SYMPK: variants seen among roughly 807,000 people sequenced by gnomAD.
SYMPK encodes the protein symplekin scaffold protein, also known as symplekin.
A neutral mutation model predicts 136.4 loss-of-function variants in SYMPK; 49 were observed. The ratio of observed to expected loss-of-function variants is 0.36; its 90% CI spans 0.29 to 0.46. The LOEUF (loss-of-function observed/expected upper bound fraction) is 0.46, where lower values mean the gene tolerates loss of function less well. SYMPK is among the 20% of genes least tolerant of loss of function. The probability of loss-of-function intolerance (pLI) is 1.00; values close to 1 mark genes in which losing one functional copy is unlikely to be tolerated. For missense variants in SYMPK, 1,365 were observed against 1,690.0 expected (o/e 0.81, Z 3.37); for synonymous variants, 766 against 713.0 (o/e 1.07, Z -1.19).
chr19:45,857,433 AAC>A (rs1568628287), intron 1 of SYMPK, among the ~76,000 whole-genome samples: 1 of 150,042 alleles, frequency 6.7e-6, no homozygotes, highest in Non-Finnish European at 1.5e-5. Context: ...AAAAAAAAAA[AAC>A]ACACACTAAA....
Position 45,816,899 on chromosome 19 carries a change from T to C in SYMPK, c.3157A>G (p.Ile1053Val). The C allele has an allele frequency of 6.4e-7, 1 of 1,553,984 alleles. No homozygotes were observed. Among genetic ancestry groups the C allele is most frequent in the Non-Finnish European group, 8.7e-7 (1 of 1,148,806 alleles). The change falls in exon 24 of 27, where the codon ATC (isoleucine) becomes GTC (valine). Residue 1053 changes from isoleucine to valine, a missense_variant. This residue lies in a region of SYMPK where 156 missense variants were observed against 217.8 expected (regional missense o/e 0.72). Transcript: ENST00000245934. ...AGCTGCTGGGGCGGCAGCTGCAGGA[T>C]GACCTGGAAGCTCTGGGGCTTTGTG... ...QRTKPQSFQV[I>V]LQLPPQQLGA... is the part of the protein sequence containing the mutation.
chr19:45,837,596 A>T lies in SYMPK; in HGVS notation c.1242+865T>A, dbSNP rs532943849. On this transcript the variant is annotated intron_variant, in intron 10 of 26. Transcript: ENST00000245934. Reference sequence around the variant, plus strand: ...CGCGCCACTGCACTCCAGTCTGGGTAACAAAGCGAGACTCTGCCTCAAAAA... The same window carrying T: ...CGCGCCACTGCACTCCAGTCTGGGTTACAAAGCGAGACTCTGCCTCAAAAA... Among the ~76,000 whole-genome samples, 6 of 148,754 alleles carry T rather than the reference A, an allele frequency of 4.0e-5. No homozygotes were observed. The South Asian group carries it at 1.3e-3, about 32-fold the overall frequency.
chr19:45,815,434 C>G lies in SYMPK; in HGVS notation c.*126G>C, dbSNP rs1169056410. Reference sequence around the variant, plus strand: ...AGGCCCGCCATCCCTTTTTTTTTTTCTTTTCAGTAACTTGCCCAAGTTCAC... The same window carrying G: ...AGGCCCGCCATCCCTTTTTTTTTTTGTTTTCAGTAACTTGCCCAAGTTCAC... On this transcript the variant is annotated 3_prime_UTR_variant, in exon 27 of 27. Transcript: ENST00000245934. 9.3e-7 allele frequency: 1 copy of G among 1,073,852 alleles called. No individual in the cohort carries two copies. The highest frequency in any genetic ancestry group is 1.8e-5 in the South Asian group (1 of 56,502). The allele number at this position is 1,073,852 out of a possible 1,614,324, so 66.5% of individuals were successfully genotyped here.
Position 45,827,916 on chromosome 19 carries a change from A to G in SYMPK, c.1988T>C (p.Ile663Thr). 1 of 1,613,706 alleles carries G rather than the reference A, an allele frequency of 6.2e-7. No individual in the cohort carries two copies. The highest frequency in any genetic ancestry group is 8.5e-7 in the Non-Finnish European group (1 of 1,179,974). ...CGCCTCCAGCACAACCTTGGTGAAGATCCTGCCAGAGATGGAGGGAGGGCC... is the reference window on the plus strand; with the variant it reads ...CGCCTCCAGCACAACCTTGGTGAAGGTCCTGCCAGAGATGGAGGGAGGGCC... The part of the protein sequence containing the change: ...LQEKPDQKDG[I>T]FTKVVLEAPL... The change falls in exon 15 of 27, where the codon ATC (isoleucine) becomes ACC (threonine). Residue 663 changes from isoleucine (I) to threonine (T), a missense_variant and splice_region_variant. Transcript: ENST00000245934.
chr19:45,831,588 C>T lies in SYMPK; in HGVS notation c.1394G>A (p.Gly465Asp), dbSNP rs1971175883. ...TQMTAAGLGP[G>D]VEQTKQCKEE... Reference sequence around the variant, plus strand: ...CTTGCACTGTTTGGTCTGCTCTACACCTGAGGGGGAGGCAGCAAACAGACA... The same window carrying T: ...CTTGCACTGTTTGGTCTGCTCTACATCTGAGGGGGAGGCAGCAAACAGACA... The change falls in exon 12 of 27, where the codon GGT (glycine) becomes GAT (aspartate). Residue 465 changes from glycine (G) to aspartate (D), a missense_variant and splice_region_variant. Physicochemically the swap from Gly to Asp is moderately conservative, Grantham distance 94. Transcript: ENST00000245934. The T allele has an allele frequency of 6.3e-7, 1 of 1,590,208 alleles. No individual in the cohort carries two copies. The highest frequency in any genetic ancestry group is 8.6e-7 in the Non-Finnish European group (1 of 1,167,854).
At chr19:45,858,349 C>T (rs10406651) in intron 1 of SYMPK, among the ~76,000 whole-genome samples, 22,826 of 152,070 alleles carry the variant, frequency 0.15, 2,504 homozygotes, top group East Asian at 0.34. Context: ...CTGGCCTCCT[C>T]GCTGTCCTGT....
chr19:45,854,027 TA>T (rs1407972311), intron 3 of SYMPK, 147 bp downstream of exon 3: 3 of 741,698 alleles, frequency 4.0e-6, no homozygotes, highest in Non-Finnish European at 6.9e-6. Context: ...TCATGAGAAC[TA>T]GAAGAGCAGA....
chr19:45,854,879 C>CTTTTTTTTTTT (rs35065812), intron 1 of SYMPK: 17 of 155,336 alleles, frequency 1.1e-4, no homozygotes, highest in Admixed American at 1.9e-4. Flanking sequence ...AGCAAACTTT[C>CTTTTTTTTTTT]TTTTTTTTTT....
intron 14 of SYMPK, 155 bp from the exon 15 acceptor site, chr19:45,828,073 G>GAACA: frequency 6.3e-6 from 4 of 633,858 alleles, no homozygotes; most frequent in Non-Finnish European, 8.4e-6. Context: ...GAACAGAACA[G>GAACA]GGTTCAAAAG....
At position 45,854,487 on chromosome 19, in the gene SYMPK, G is replaced by A. The variant is rs370232258; in HGVS notation, c.9C>T (p.Ser3=). The change falls in exon 2 of 27, where the codon AGC becomes AGT. Residue 3 remains serine, a synonymous_variant. Coordinates refer to ENST00000245934, the MANE Select transcript of SYMPK (RefSeq NM_004819.3). The part of the protein sequence containing the change: MA[S]GSGDSVTRRS... ...GACGGGTGACGCTGTCTCCACTGCC[G>A]CTCGCCATGGCTGCTGTCAGCTTGT... is the stretch of plus-strand genomic sequence containing the variant. The A allele has an allele frequency of 1.7e-4, 274 of 1,613,560 alleles. No homozygotes were observed. The highest frequency in any genetic ancestry group is 5.1e-4 in the East Asian group (23 of 44,878).
In SYMPK at chr19:45,818,026, G is replaced by T; in HGVS notation, c.3014C>A (p.Ser1005Tyr). ...CCCCAGGCGGGGGTACATGGTCAGG[G>T]ACTGGATGACGGTCCTCATGAGCAG... ...PMLLMRTVIQ[S>Y]LTMYPRLGGF... The change falls in exon 23 of 27, where the codon TCC becomes TAC. Residue 1005 changes from serine to tyrosine, a missense_variant. By Grantham distance (144) the Ser-to-Tyr change is moderately radical (BLOSUM62 -2). Transcript: ENST00000245934. 1.9e-6 allele frequency: 3 copies of T among 1,576,712 alleles called. No individual in the cohort carries two copies. Among genetic ancestry groups the T allele is most frequent in the Non-Finnish European group, 1.7e-6 (2 of 1,161,008 alleles).
At chr19:45,816,721 A>T in intron 24 of SYMPK, 77 bp downstream of exon 24, 1 of 1,484,242 alleles carries the variant, frequency 6.7e-7, no homozygotes, top group South Asian at 1.3e-5. Flanking sequence ...AGTCCCCACC[A>T]ACCAGAGGGA....
At chr19:45,853,716 C>T (rs1317544465) in intron 3 of SYMPK, among the ~76,000 whole-genome samples, 1 of 152,208 alleles carries the variant, frequency 6.6e-6, no homozygotes, top group Non-Finnish European at 1.5e-5. Flanking sequence ...CTCCCCATCC[C>T]TAGGCTGGGT....
At chr19:45,816,720 C>T in intron 24 of SYMPK, 78 bp downstream of exon 24, 1 of 1,484,880 alleles carries the variant, frequency 6.7e-7, no homozygotes, top group Non-Finnish European at 9.0e-7. Context: ...CAGTCCCCAC[C>T]AACCAGAGGG....
rs201720265 is a variant in SYMPK, at chr19:45,825,198, C to T, written c.2463G>A (p.Arg821=). 2 of 1,614,006 alleles carry T rather than the reference C, an allele frequency of 1.2e-6. No individual in the cohort carries two copies. Among genetic ancestry groups the T allele is most frequent in the Middle Eastern group, 1.7e-4 (1 of 6,058 alleles). The change falls in exon 18 of 27, where the codon CGG becomes CGA. Residue 821 remains arginine, a synonymous_variant. Coordinates refer to ENST00000245934, the MANE Select transcript of SYMPK (RefSeq NM_004819.3). The part of the protein sequence containing the change: ...VYTEAIADIK[R]TVLRVIEQPI... ...GCTGCTCAATGACCCTCAGCACCGT[C>T]CGCTTGATGTCGGCGATGGCTTCAG...
chr19:45,828,855 A>C, intron 14 of SYMPK, 115 bp downstream of exon 14: 1 of 1,008,624 alleles, frequency 9.9e-7, no homozygotes, highest in South Asian at 1.5e-5. Flanking sequence ...GATGGGTGCG[A>C]GGAGGACTGA....
Position 45,842,486 on chromosome 19 carries a change from T to C in SYMPK, c.851A>G (p.Asn284Ser), listed in dbSNP as rs776562320. Reference protein sequence around the residue: ...VIQAYETLHANLPPTLAKSQV... With the variant: ...VIQAYETLHASLPPTLAKSQV... ...CGATTTGGCCAGCGTCGGGGGCAGG[T>C]TGGCTGTGAGGAAAGTGGCAGGAGC... Residue 284 changes from asparagine to serine, a missense_variant, in exon 9 of 27, where the codon AAC becomes AGC. Asn to Ser is a conservative substitution (Grantham distance 46). Transcript: ENST00000245934. 1.2e-6 allele frequency: 2 copies of C among 1,610,140 alleles called. No individual in the cohort carries two copies. The highest frequency in any genetic ancestry group is 1.7e-6 in the Non-Finnish European group (2 of 1,177,194).
rs1178435751 is a variant in SYMPK, at chr19:45,821,590, G to A, written c.2792-105C>T. ...GGGGAGCTGCGAGCAAAGATGAGGT[G>A]CCCTCTGCTTTCAGGGCTGGAACAG... On this transcript the variant is annotated intron_variant, in intron 21 of 26. Coordinates refer to ENST00000245934, the MANE Select transcript of SYMPK (RefSeq NM_004819.3). The surrounding 1 kb of genome is among the most constrained non-coding windows in gnomAD (Gnocchi z 4.4). The A allele has an allele frequency of 2.3e-5, 17 of 736,074 alleles. No individual in the cohort carries two copies. The highest frequency in any genetic ancestry group is 3.5e-5 in the Non-Finnish European group (15 of 431,694). The allele number at this position is 736,074 out of a possible 1,614,324, so 45.6% of individuals were successfully genotyped here.
Position 45,828,967 on chromosome 19 carries a change from C to T in SYMPK, c.1985+3G>A, listed in dbSNP as rs1227165184. 6.2e-6 allele frequency: 10 copies of T among 1,613,478 alleles called. No homozygotes were observed. In the Admixed American group the frequency reaches 1.7e-4, roughly 27 times the overall value. ...CAGGAGGGTGCAGGGTCAGCCCCCT[C>T]ACCCATCCTTCTGGTCTGGTTTCTC... On this transcript the variant is annotated splice_donor_region_variant and intron_variant, in intron 14 of 26. Transcript: ENST00000245934.
Sources: gnomAD v4.1 joint callset for allele counts (sites outside exome capture counted in the v4.1 genomes callset) on GRCh38, gnomAD v4.1.1 for gene constraint, gnomAD v4.1.1 regional missense constraint, Gnocchi (gnomAD v3.1) non-coding constraint, MANE v1.5 for transcripts, NCBI Gene and HGNC (gene_info 2026-07-23, HGNC 2026-07-21) for gene names.